TENM2: variants seen among roughly 807,000 people sequenced by gnomAD.
TENM2 encodes teneurin transmembrane protein 2.
Under a neutral mutation model 245.2 loss-of-function variants are expected in TENM2, and 52 were observed. The observed-to-expected ratio is 0.21, with a 90% CI of 0.17 to 0.27. The LOEUF is 0.27. TENM2 is among the 10% of genes least tolerant of loss of function. The probability of loss-of-function intolerance (pLI) is 1.00; values close to 1 mark genes in which losing one functional copy is unlikely to be tolerated. For synonymous variants in TENM2, 1,363 were observed against 1,438.9 expected, an observed-to-expected ratio of 0.95 and a Z score of 1.19; for missense variants, 3,046 against 3,666.8, an observed-to-expected ratio of 0.83 and a Z score of 4.37.
At chr5:167,752,004 A>G (rs1171743199) in intron 2 of TENM2, among the ~76,000 whole-genome samples, 1 of 152,016 alleles carries the variant, frequency 6.6e-6, no homozygotes, top group East Asian at 1.9e-4. Flanking sequence ...GCAAATAAAT[A>G]TGGGTATGAT....
intron 2 of TENM2, among the ~76,000 whole-genome samples, chr5:167,858,846 G>A (rs1235844656): frequency 9.1e-5 from 13 of 142,218 alleles, no homozygotes; most frequent in African/African-American, 3.1e-4. Context: ...AGGAGCGGAC[G>A]GGCCCCGCGG....
At chr5:167,850,318 T>A (rs1488863239) in intron 2 of TENM2, among the ~76,000 whole-genome samples, 1 of 152,164 alleles carries the variant, frequency 6.6e-6, no homozygotes, top group Non-Finnish European at 1.5e-5. Flanking sequence ...CACCACATAC[T>A]TTCTGAGCTA....
chr5:168,130,901 T>C (rs1365704351), intron 12 of TENM2, among the ~76,000 whole-genome samples: 1 of 152,202 alleles, frequency 6.6e-6, no homozygotes. Context: ...AAAAAAATAC[T>C]GGTACCTAAC....
At chr5:167,353,051 T>C (rs1049832514) in intron 1 of TENM2, among the ~76,000 whole-genome samples, 1 of 152,148 alleles carries the variant, frequency 6.6e-6, no homozygotes, top group Admixed American at 6.5e-5. Flanking sequence ...TCATTTCATA[T>C]TTATGAGCGG....
chr5:167,896,381 A>G (rs1451599032), intron 3 of TENM2, among the ~76,000 whole-genome samples: 1 of 152,208 alleles, frequency 6.6e-6, no homozygotes, highest in East Asian at 1.9e-4. Flanking sequence ...TTGAGGCTGG[A>G]ATCTGGCTGT....
chr5:168,111,140 C>T (rs1029591005), intron 9 of TENM2, among the ~76,000 whole-genome samples: 1 of 152,252 alleles, frequency 6.6e-6, no homozygotes, highest in African/African-American at 2.4e-5. Context: ...CTTAAGTCAG[C>T]GTGTGCTTCT....
intron 4 of TENM2, among the ~76,000 whole-genome samples, chr5:167,971,492 G>A (rs62384411): frequency 0.21 from 32,364 of 152,026 alleles, 4,043 homozygotes; most frequent in East Asian, 0.59. Context: ...CTTGAGGTCA[G>A]GAGTTCAAGA....
the TENM2 span, among the ~76,000 whole-genome samples, chr5:167,225,691 G>A: frequency 1.3e-5 from 2 of 151,978 alleles, no homozygotes; most frequent in Non-Finnish European, 2.9e-5. Context: ...GAATAGTTAG[G>A]AAGAATTTCT....
chr5:167,379,962 A>T (rs1761000975), intron 2 of TENM2, among the ~76,000 whole-genome samples: 1 of 148,772 alleles, frequency 6.7e-6, no homozygotes, highest in Non-Finnish European at 1.5e-5. Flanking sequence ...ACAAAGTTTT[A>T]AGCCATTTGG....
intron 1 of TENM2, among the ~76,000 whole-genome samples, chr5:167,360,976 T>C (rs528501582): frequency 3.4e-4 from 52 of 152,298 alleles, no homozygotes; most frequent in African/African-American, 1.2e-3. Flanking sequence ...ATCAGTCATA[T>C]TGTGATTTGG....
intron 2 of TENM2, among the ~76,000 whole-genome samples, chr5:167,678,908 T>C (rs1020451554): frequency 2.0e-5 from 3 of 152,140 alleles, no homozygotes; most frequent in Admixed American, 2.0e-4. Flanking sequence ...AATGTTTCCC[T>C]TTAGGAAAAC....
downstream of TENM2, chr5:168,263,201 A>C: frequency 1.8e-5 from 3 of 169,658 alleles, no homozygotes; most frequent in Non-Finnish European, 2.6e-5. Context: ...AACAAAACAA[A>C]CACACGGACC....
chr5:167,423,027 A>G (rs762873146), intron 2 of TENM2, among the ~76,000 whole-genome samples: 5 of 152,200 alleles, frequency 3.3e-5, no homozygotes, highest in Non-Finnish European at 7.3e-5. Context: ...AACTGCAATC[A>G]TGAAAATGTT....
chr5:166,989,694 C>T, the TENM2 span, among the ~76,000 whole-genome samples: 1 of 151,378 alleles, frequency 6.6e-6, no homozygotes, highest in East Asian at 1.9e-4. Flanking sequence ...ACCTGGCCTA[C>T]CCCGCAAAAA....
chr5:167,881,535 G>C (rs1002362799), intron 3 of TENM2, among the ~76,000 whole-genome samples: 8 of 152,070 alleles, frequency 5.3e-5, no homozygotes, highest in Non-Finnish European at 5.9e-5. Context: ...CTTGATTTTG[G>C]GGTCAGGATA....
intron 2 of TENM2, among the ~76,000 whole-genome samples, chr5:167,440,503 A>G (rs902671143): frequency 6.6e-6 from 1 of 152,048 alleles, no homozygotes; most frequent in Non-Finnish European, 1.5e-5. Context: ...TCTTCTGTAC[A>G]TATCATTTCT....
intron 12 of TENM2, among the ~76,000 whole-genome samples, chr5:168,154,300 C>A (rs754088664): frequency 7.9e-5 from 12 of 152,064 alleles, no homozygotes; most frequent in Admixed American, 2.0e-4. Flanking sequence ...GCTGCAACCT[C>A]CACCCACCCA....
intron 12 of TENM2, among the ~76,000 whole-genome samples, chr5:168,160,374 T>G (rs990609022): frequency 6.6e-6 from 1 of 152,244 alleles, no homozygotes; most frequent in South Asian, 2.1e-4. Context: ...CATGGAAATG[T>G]GAATCTGGGC....
chr5:167,958,443 C>A (rs1780732100), intron 4 of TENM2, among the ~76,000 whole-genome samples: 1 of 152,134 alleles, frequency 6.6e-6, no homozygotes, highest in Admixed American at 6.5e-5. Flanking sequence ...ATTTGCCAGT[C>A]TGTGTCTTTT....
Sources: gnomAD v4.1 joint callset for allele counts (sites outside exome capture counted in the v4.1 genomes callset) on GRCh38, gnomAD v4.1.1 for gene constraint, MANE v1.5 for transcripts, NCBI Gene and HGNC (gene_info 2026-07-23, HGNC 2026-07-21) for gene names.